The following TAFA1 variants were observed in gnomAD, a reference collection of about 807,000 sequenced individuals.
TAFA1 encodes the protein chemokine-like protein TAFA-1.
TAFA1 carries 4 observed loss-of-function variants against 18.5 expected under a neutral mutation model. The observed-to-expected ratio is 0.22, with a 90% CI of 0.11 to 0.49. TAFA1 has a LOEUF of 0.49. TAFA1 is among the 20% of genes least tolerant of loss of function. The probability of loss-of-function intolerance (pLI) is 0.98; values close to 1 mark genes in which losing one functional copy is unlikely to be tolerated. For synonymous variants in TAFA1, 56 were observed against 55.2 expected (o/e 1.01, Z -0.06); for missense variants, 147 against 169.0 (o/e 0.87, Z 0.72).
At chr3:68,136,544 C>T (rs979476294) in intron 2 of TAFA1, among the ~76,000 whole-genome samples, 1 of 152,158 alleles carries the variant, frequency 6.6e-6, no homozygotes, top group Non-Finnish European at 1.5e-5. Flanking sequence ...AGTGACTGTT[C>T]TTTACCTGGA....
intron 3 of TAFA1, among the ~76,000 whole-genome samples, chr3:68,434,351 G>T (rs1224816377): frequency 6.6e-6 from 1 of 152,034 alleles, no homozygotes; most frequent in Non-Finnish European, 1.5e-5. Flanking sequence ...TTCTAGCAAT[G>T]AGCTTGTTAC....
At chr3:68,272,507 G>A (rs1346795403) in intron 2 of TAFA1, among the ~76,000 whole-genome samples, 1 of 152,112 alleles carries the variant, frequency 6.6e-6, no homozygotes, top group East Asian at 1.9e-4. Context: ...AGTATAATGG[G>A]ATGCAATAAA....
At chr3:68,298,601 G>A (rs899405462) in intron 2 of TAFA1, among the ~76,000 whole-genome samples, 1 of 152,196 alleles carries the variant, frequency 6.6e-6, no homozygotes, top group African/African-American at 2.4e-5. Flanking sequence ...ACCAGGTGGA[G>A]GTAATTGAAT....
intron 2 of TAFA1, among the ~76,000 whole-genome samples, chr3:68,166,982 C>G (rs552729412): frequency 6.6e-6 from 1 of 152,270 alleles, no homozygotes; most frequent in South Asian, 2.1e-4. Flanking sequence ...TAAGAATATT[C>G]TCAATATTGT....
intron 3 of TAFA1, among the ~76,000 whole-genome samples, chr3:68,480,905 A>C (rs886247780): frequency 1.3e-5 from 2 of 152,082 alleles, no homozygotes; most frequent in Non-Finnish European, 1.5e-5. Context: ...CGTGGTAGTG[A>C]ATAAGTCTAA....
chr3:68,190,013 CA>C (rs1403456865), intron 2 of TAFA1, among the ~76,000 whole-genome samples: 3 of 151,870 alleles, frequency 2.0e-5, no homozygotes, highest in Admixed American at 2.0e-4. Context: ...ATATTTATAT[CA>C]AGCTACTGTG....
At chr3:68,198,584 A>G (rs990952650) in intron 2 of TAFA1, among the ~76,000 whole-genome samples, 1 of 148,750 alleles carries the variant, frequency 6.7e-6, no homozygotes, top group Non-Finnish European at 1.5e-5. Context: ...GATGTGTAGT[A>G]ATATCTAATT....
intron 3 of TAFA1, among the ~76,000 whole-genome samples, chr3:68,527,613 T>G (rs1043427057): frequency 3.3e-5 from 5 of 152,154 alleles, no homozygotes; most frequent in Admixed American, 6.5e-5. Flanking sequence ...TTTTCTCTGA[T>G]AGCATGCTGT....
intron 3 of TAFA1, among the ~76,000 whole-genome samples, chr3:68,440,215 G>T (rs867191062): frequency 1.3e-5 from 2 of 152,044 alleles, no homozygotes; most frequent in East Asian, 3.9e-4. Flanking sequence ...TTCCCTGCAC[G>T]AACTCTCTTC....
Position 68,498,722 on chromosome 3 carries a change from C to CTTTTTTTTTTTT in TAFA1, c.260-40010_260-39999dup, listed in dbSNP as rs34030223. Among the ~76,000 whole-genome samples the CTTTTTTTTTTTT allele has an allele frequency of 1.5e-4, 15 of 97,028 alleles. 1 individual carries two copies. The highest frequency in any genetic ancestry group is 6.2e-4 in the African/African-American group (13 of 20,884). 63.7% of individuals were successfully genotyped at this position (97,028 alleles called of 152,430 possible). A position where few individuals can be genotyped will look rare whatever the true frequency, so the allele number is the denominator to read the frequency against. ...AATTCCTCCCAAAGCCGTTTGGTGGCTTTTTTTTTTTTTTTTTTTTTTTTT... is the reference window on the plus strand; with the variant it reads ...AATTCCTCCCAAAGCCGTTTGGTGGCTTTTTTTTTTTTTTTTTTTTTTTTTTTTTTTTTTTTT... On this transcript the variant is annotated intron_variant, in intron 3 of 4. Coordinates refer to ENST00000478136, the MANE Select transcript of TAFA1 (RefSeq NM_213609.4).
intron 2 of TAFA1, among the ~76,000 whole-genome samples, chr3:68,182,805 C>G (rs2066220922): frequency 6.6e-6 from 1 of 151,990 alleles, no homozygotes; most frequent in Non-Finnish European, 1.5e-5. Flanking sequence ...CAATTTCAGC[C>G]AATTTAGTTT....
At chr3:68,466,113 A>T (rs2071880637) in intron 3 of TAFA1, among the ~76,000 whole-genome samples, 1 of 152,088 alleles carries the variant, frequency 6.6e-6, no homozygotes, top group African/African-American at 2.4e-5. Context: ...TGATAGGCTT[A>T]TGAATTTCCT....
chr3:68,378,187 C>T (rs1446695806), intron 2 of TAFA1, among the ~76,000 whole-genome samples: 2 of 152,186 alleles, frequency 1.3e-5, no homozygotes, highest in Admixed American at 6.5e-5. Flanking sequence ...TCCACTGACA[C>T]CTTGAACCAT....
chr3:68,502,211 C>A (rs1447169357), intron 3 of TAFA1, among the ~76,000 whole-genome samples: 1 of 152,058 alleles, frequency 6.6e-6, no homozygotes, highest in Non-Finnish European at 1.5e-5. Flanking sequence ...TCATTCTAAG[C>A]AATTTAAACA....
chr3:68,216,962 G>A (rs2107081702), intron 2 of TAFA1, among the ~76,000 whole-genome samples: 1 of 152,184 alleles, frequency 6.6e-6, no homozygotes, highest in East Asian at 1.9e-4. Flanking sequence ...CTACCATGCA[G>A]GAGAATTCCA....
intron 2 of TAFA1, among the ~76,000 whole-genome samples, chr3:68,164,727 A>G (rs778652724): frequency 4.9e-4 from 74 of 151,412 alleles, no homozygotes; most frequent in Non-Finnish European, 5.0e-4. Context: ...TTCACATATG[A>G]TTACCCACTT....
intron 3 of TAFA1, among the ~76,000 whole-genome samples, chr3:68,479,167 G>A (rs1019506231): frequency 6.8e-6 from 1 of 146,440 alleles, no homozygotes; most frequent in South Asian, 2.1e-4. Flanking sequence ...GGAGGTGGAG[G>A]TTGCAGTGAG....
At chr3:68,397,493 A>G (rs1559651253) in intron 2 of TAFA1, among the ~76,000 whole-genome samples, 1 of 152,170 alleles carries the variant, frequency 6.6e-6, no homozygotes, top group Non-Finnish European at 1.5e-5. Context: ...ACATAAACTC[A>G]TTCTTTCTTT....
chr3:68,148,599 T>C (rs1485057508), intron 2 of TAFA1, among the ~76,000 whole-genome samples: 1 of 152,204 alleles, frequency 6.6e-6, no homozygotes, highest in African/African-American at 2.4e-5. Flanking sequence ...GGCCTGTGTC[T>C]GTGTAGCTTC....
Sources: allele counts gnomAD v4.1 joint callset (sites outside exome capture counted in the v4.1 genomes callset), GRCh38; gene constraint gnomAD v4.1.1; transcripts MANE v1.5; gene names NCBI Gene and HGNC (gene_info 2026-07-23, HGNC 2026-07-21).